MSI2: variants seen among roughly 807,000 people sequenced by gnomAD.
MSI2 encodes RNA-binding protein Musashi homolog 2.
Under a neutral mutation model 45.6 loss-of-function variants are expected in MSI2, and 17 were observed. The observed-to-expected ratio is 0.37, with a 90% CI of 0.26 to 0.56. The LOEUF (loss-of-function observed/expected upper bound fraction) is 0.56, where lower values mean the gene tolerates loss of function less well. Among genes scored for constraint, MSI2 ranks in the 20% least tolerant of loss-of-function variants. The probability of loss-of-function intolerance (pLI) is 0.77; values close to 1 mark genes in which losing one functional copy is unlikely to be tolerated. For missense variants in MSI2, 293 were observed against 444.2 expected (o/e 0.66, Z 3.06); for synonymous variants, 156 against 158.2 (o/e 0.99, Z 0.11).
intron 5 of MSI2, among the ~76,000 whole-genome samples, chr17:57,289,029 A>G (rs193198059): frequency 1.3e-3 from 191 of 152,288 alleles, no homozygotes; most frequent in African/African-American, 4.5e-3. Flanking sequence ...ACTTCTCTAT[A>G]AGAAGGGGAA....
In MSI2 at chr17:57,359,111, G is replaced by A. The variant is rs537895285; in HGVS notation, c.313-42268G>A. Among the ~76,000 whole-genome samples, 10 of 152,082 alleles carry A rather than the reference G, an allele frequency of 6.6e-5. No homozygotes were observed. The East Asian group carries it at 1.4e-3, about 21-fold the overall frequency. ...CCCCTTCCTTTCTCCCGCCACTCCC[G>A]GAGGAATGACCCTGCATCTTATGCA... On this transcript the variant is annotated intron_variant, in intron 5 of 13. Transcript: ENST00000284073.
intron 5 of MSI2, chr17:57,265,637 T>C (rs1907700301): frequency 6.6e-6 from 1 of 152,084 alleles, no homozygotes; most frequent in Non-Finnish European, 1.5e-5. Context: ...TGAAGTAGAG[T>C]GGGGAGACGC....
intron 6 of MSI2, among the ~76,000 whole-genome samples, chr17:57,463,036 C>T (rs995583406): frequency 1.3e-5 from 2 of 152,214 alleles, no homozygotes; most frequent in African/African-American, 4.8e-5. Context: ...TAAGGAGCTG[C>T]AGTTTTCATC....
At chr17:57,288,633 T>C (rs1319925348) in intron 5 of MSI2, among the ~76,000 whole-genome samples, 1 of 152,084 alleles carries the variant, frequency 6.6e-6, no homozygotes, top group Non-Finnish European at 1.5e-5. Context: ...AGTGTCTAGA[T>C]GATAGATGGT....
At chr17:57,634,820 A>T (rs911262344) in intron 10 of MSI2, among the ~76,000 whole-genome samples, 2 of 152,234 alleles carry the variant, frequency 1.3e-5, no homozygotes, top group Non-Finnish European at 2.9e-5. Flanking sequence ...TCTCTTCAGC[A>T]TAAGACTCCA....
intron 5 of MSI2, among the ~76,000 whole-genome samples, chr17:57,363,162 T>C (rs965849648): frequency 1.3e-5 from 2 of 152,202 alleles, no homozygotes; most frequent in South Asian, 4.1e-4. Context: ...GACATATGAT[T>C]AAATAGTATT....
At chr17:57,621,456 A>G (rs950157202) in intron 9 of MSI2, among the ~76,000 whole-genome samples, 11 of 152,254 alleles carry the variant, frequency 7.2e-5, no homozygotes, top group African/African-American at 2.7e-4. Flanking sequence ...ACAAATATTT[A>G]TTAAATGAGT....
intron 5 of MSI2, among the ~76,000 whole-genome samples, chr17:57,376,212 C>G (rs1394831837): frequency 1.3e-5 from 2 of 152,170 alleles, no homozygotes; most frequent in Non-Finnish European, 2.9e-5. Flanking sequence ...GTTGGCAAAG[C>G]ACATTCACAT....
intron 8 of MSI2, among the ~76,000 whole-genome samples, chr17:57,613,504 T>C (rs968534582): frequency 3.3e-5 from 5 of 151,844 alleles, no homozygotes; most frequent in Non-Finnish European, 7.4e-5. Context: ...AAAAAAAAAT[T>C]CTAATTCCGG....
At chr17:57,384,103 C>T (rs1598198095) in intron 5 of MSI2, among the ~76,000 whole-genome samples, 2 of 152,214 alleles carry the variant, frequency 1.3e-5, no homozygotes, top group African/African-American at 4.8e-5. Flanking sequence ...AATGGCCTGA[C>T]TTCTGTGTTA....
chr17:57,391,539 T>C (rs1461363839), intron 5 of MSI2, among the ~76,000 whole-genome samples: 2 of 152,206 alleles, frequency 1.3e-5, no homozygotes, highest in African/African-American at 4.8e-5. Context: ...GCCTGTGCTT[T>C]AGTCATGGGA....
At chr17:57,477,302 G>A (rs1282637945) in intron 6 of MSI2, among the ~76,000 whole-genome samples, 1 of 152,010 alleles carries the variant, frequency 6.6e-6, no homozygotes, top group African/African-American at 2.4e-5. Flanking sequence ...GGGCTTTCTC[G>A]TGACACAATT....
At chr17:57,334,965 G>A (rs560945285) in intron 5 of MSI2, among the ~76,000 whole-genome samples, 11 of 150,008 alleles carry the variant, frequency 7.3e-5, no homozygotes, top group African/African-American at 1.7e-4. Context: ...TTTTTTAACC[G>A]TGCCCTGTAG....
chr17:57,632,071 GA>G (rs540730722), intron 10 of MSI2: 529 of 1,309,462 alleles, frequency 4.0e-4, no homozygotes, highest in Non-Finnish European at 4.9e-4. Context: ...TATGCATTGT[GA>G]CCGACCCCAC....
chr17:57,256,629 G>C lies in MSI2; in HGVS notation c.-114G>C. The C allele has an allele frequency of 2.2e-6, 1 of 462,296 alleles. No homozygotes were observed. Among genetic ancestry groups the C allele is most frequent in the East Asian group, 3.6e-5 (1 of 27,938 alleles). 28.6% of individuals were successfully genotyped at this position (462,296 alleles called of 1,614,324 possible). Reference sequence around the variant, plus strand: ...GATTCGGAGGAGCCCGGGCGGGGGGGAGGAGGAGGGGGAGGAGGGAGCGGA... The same window carrying C: ...GATTCGGAGGAGCCCGGGCGGGGGGCAGGAGGAGGGGGAGGAGGGAGCGGA... On this transcript the variant is annotated 5_prime_UTR_variant, in exon 1 of 14. Transcript: ENST00000284073.
At chr17:57,577,134 T>C (rs2088071789) in intron 7 of MSI2, among the ~76,000 whole-genome samples, 1 of 152,088 alleles carries the variant, frequency 6.6e-6, no homozygotes, top group East Asian at 1.9e-4. Context: ...CTACGTTAGA[T>C]CTTGAAGGAC....
intron 10 of MSI2, among the ~76,000 whole-genome samples, chr17:57,644,336 T>G (rs1276153784): frequency 6.6e-6 from 1 of 151,814 alleles, no homozygotes; most frequent in Non-Finnish European, 1.5e-5. Flanking sequence ...CCCCCTGTTC[T>G]GATGTGAGTC....
intron 7 of MSI2, among the ~76,000 whole-genome samples, chr17:57,555,043 T>A (rs1598396155): frequency 6.6e-6 from 1 of 152,360 alleles, no homozygotes; most frequent in South Asian, 2.1e-4. Flanking sequence ...TTCTGCTTCC[T>A]GTGGGTGAGA....
chr17:57,482,849 A>G (rs549118875), intron 6 of MSI2, among the ~76,000 whole-genome samples: 15 of 152,326 alleles, frequency 9.8e-5, no homozygotes, highest in Non-Finnish European at 1.9e-4. Flanking sequence ...GAGTGAGACT[A>G]TTAAGAATTT....
Sources: allele counts gnomAD v4.1 joint callset (sites outside exome capture counted in the v4.1 genomes callset), GRCh38; gene constraint gnomAD v4.1.1; transcripts MANE v1.5; gene names NCBI Gene and HGNC (gene_info 2026-07-23, HGNC 2026-07-21).